BOC: variants seen among roughly 807,000 people sequenced by gnomAD.
BOC encodes brother of CDO.
BOC carries 76 observed loss-of-function variants against 112.0 expected under a neutral mutation model. That is an observed-to-expected ratio of 0.68 (90% CI 0.56 to 0.82). The LOEUF is 0.82. Ranked by LOEUF, BOC falls within the 40% of genes least tolerant of loss-of-function variation. The probability of loss-of-function intolerance (pLI) is 0.00; values close to 1 mark genes in which losing one functional copy is unlikely to be tolerated. For synonymous variants in BOC, 580 were observed against 599.8 expected (o/e 0.97, Z 0.48); for missense variants, 1,309 against 1,511.7 (o/e 0.87, Z 2.22).
intron 1 of BOC, among the ~76,000 whole-genome samples, chr3:113,213,585 G>C (rs1938699890): frequency 6.6e-6 from 1 of 152,166 alleles, no homozygotes; most frequent in Admixed American, 6.5e-5. Context: ...TGGGTGACCT[G>C]TTTTCTGAAC....
chr3:113,233,759 C>T (rs966033977), intron 2 of BOC, among the ~76,000 whole-genome samples: 6 of 152,122 alleles, frequency 3.9e-5, no homozygotes, highest in African/African-American at 1.2e-4. Context: ...AATTGAGCTT[C>T]GTCAGGCGCC....
At chr3:113,257,999 A>T (rs966473180) in intron 4 of BOC, among the ~76,000 whole-genome samples, 2 of 152,238 alleles carry the variant, frequency 1.3e-5, no homozygotes, top group Non-Finnish European at 2.9e-5. Context: ...GACTTTGTTA[A>T]CACATTAGTC....
chr3:113,284,834 AC>A lies in BOC; in HGVS notation c.2947del (p.Gln983LysfsTer52). On this transcript the variant is annotated frameshift_variant, in exon 18 of 20. Transcript: ENST00000682979. LOFTEE classifies it high-confidence loss of function. The stretch of plus-strand genomic sequence containing the variant: ...CAGACCCATCTTGGCAATGGATATG[AC>A]CCCCAAAGTCACCAGATCACGAGGT... ...LRQTHLGNGY[D>X]PQSHQITRGP... The A allele has an allele frequency of 1.2e-6, 2 of 1,613,928 alleles. No individual in the cohort carries two copies. The highest frequency in any genetic ancestry group is 1.7e-6 in the Non-Finnish European group (2 of 1,179,962).
intron 4 of BOC, chr3:113,262,057 G>A (rs915202878): frequency 1.3e-5 from 2 of 152,094 alleles, no homozygotes; most frequent in African/African-American, 2.4e-5. Flanking sequence ...TCATCAGAAA[G>A]TGTGTTTGAG....
rs75242325 is a variant in BOC at position 113,257,404 on chromosome 3, C to T, written c.376+6571C>T. On this transcript the variant is annotated intron_variant, in intron 4 of 19. Coordinates refer to ENST00000682979, the MANE Select transcript of BOC (RefSeq NM_001378074.1). ...GAAACAGCTTCATGAAGTCCTCTCA[C>T]CTTGGCAGAGGCATATTGTTTGGAT... 2.6e-3 allele frequency among the ~76,000 whole-genome samples: 401 copies of T among 152,288 alleles called. 3 individuals are homozygous for T. Among genetic ancestry groups the T allele is most frequent in the African/African-American group, 9.1e-3 (376 of 41,546 alleles).
intron 9 of BOC, among the ~76,000 whole-genome samples, chr3:113,275,428 C>T (rs1948561952): frequency 6.6e-6 from 1 of 152,208 alleles, no homozygotes; most frequent in Admixed American, 6.5e-5. Flanking sequence ...CCCAGGCCGC[C>T]ACTCTCGCTC....
intron 9 of BOC, among the ~76,000 whole-genome samples, chr3:113,275,359 G>T (rs1948553599): frequency 1.3e-5 from 2 of 152,210 alleles, no homozygotes; most frequent in Admixed American, 1.3e-4. Context: ...GGATGCGGGG[G>T]CAGAGCCCAG....
intron 2 of BOC, among the ~76,000 whole-genome samples, chr3:113,218,878 A>G (rs1320413203): frequency 6.6e-6 from 1 of 152,194 alleles, no homozygotes; most frequent in African/African-American, 2.4e-5. Flanking sequence ...GTGGTCTTCA[A>G]CAATGGGAGA....
In BOC at chr3:113,251,131, C is replaced by T. The variant is rs921677605; in HGVS notation, c.376+298C>T. The T allele has an allele frequency of 3.1e-5, 18 of 578,258 alleles. No individual in the cohort carries two copies. The South Asian group carries it at 3.8e-4, about 12-fold the overall frequency. The allele number at this position is 578,258 out of a possible 1,614,324, so 35.8% of individuals were successfully genotyped here. ...CAGAACTGTTCCGTGGGCCCCAGAG[C>T]AGGGCCGTGCCGTGCCTTCCTACTT... On this transcript the variant is annotated intron_variant, in intron 4 of 19. Transcript: ENST00000682979.
chr3:113,285,481 CCTG>C lies in BOC; in HGVS notation c.3083_3085del (p.Ala1028del), dbSNP rs1949592045. ...CGACTGCTGCCAACGCCAGGAGCAG[CCTG>C]CTGCTGTGGGCCAGTCAGGGGTGAG... On this transcript the variant is annotated inframe_deletion, in exon 19 of 20. Transcript: ENST00000682979. The C allele has an allele frequency of 6.2e-7, 1 of 1,613,936 alleles. No homozygotes were observed. Among genetic ancestry groups the C allele is most frequent in the African/African-American group, 1.3e-5 (1 of 74,950 alleles).
At chr3:113,226,801 C>T (rs753561390) in intron 2 of BOC, among the ~76,000 whole-genome samples, 7 of 152,190 alleles carry the variant, frequency 4.6e-5, no homozygotes, top group East Asian at 1.9e-4. Flanking sequence ...AGGTTTAGCA[C>T]GGAACTGTTA....
At position 113,270,802 on chromosome 3, in the gene BOC, T is replaced by TGG; in HGVS notation, c.525_526insGG (p.Asn176GlyfsTer4). 6.2e-7 allele frequency: 1 copy of TGG among 1,609,920 alleles called. No individual in the cohort carries two copies. Among genetic ancestry groups the TGG allele is most frequent in the East Asian group, 2.2e-5 (1 of 44,858 alleles). ...CCCCTGGCCCTGCCCTTTCCACAGGTAACTACCTGATCATGCCCTCAGGGA... is the reference window on the plus strand; with the variant it reads ...CCCCTGGCCCTGCCCTTTCCACAGGTGGAACTACCTGATCATGCCCTCAGGGA... On this transcript the variant is annotated frameshift_variant and splice_region_variant, in exon 6 of 20. Coordinates refer to ENST00000682979, the MANE Select transcript of BOC (RefSeq NM_001378074.1). LOFTEE classifies it high-confidence loss of function.
chr3:113,222,803 C>G (rs181957061), intron 2 of BOC, among the ~76,000 whole-genome samples: 84 of 152,320 alleles, frequency 5.5e-4, no homozygotes, highest in African/African-American at 1.8e-3. Context: ...CTTTGCCGCC[C>G]TCCTCCCTTA....
chr3:113,255,947 G>C (rs1311390087), intron 4 of BOC, among the ~76,000 whole-genome samples: 1 of 152,208 alleles, frequency 6.6e-6, no homozygotes, highest in Non-Finnish European at 1.5e-5. Flanking sequence ...CCTTAGCTCT[G>C]CCATTTAAGT....
chr3:113,247,349 G>A (rs1945043446), intron 2 of BOC, among the ~76,000 whole-genome samples: 1 of 152,112 alleles, frequency 6.6e-6, no homozygotes, highest in Non-Finnish European at 1.5e-5. Flanking sequence ...AAGCAAATTA[G>A]AGAATTAAAG....
chr3:113,241,165 C>T (rs1011722295), intron 2 of BOC, among the ~76,000 whole-genome samples: 4 of 152,310 alleles, frequency 2.6e-5, no homozygotes, highest in Non-Finnish European at 2.9e-5. Context: ...TGTCACTGGC[C>T]TTAATGACCT....
chr3:113,274,417 G>T lies in BOC; in HGVS notation c.1277G>T (p.Gly426Val). ...RLWQDAELAT[G>V]TPPVSPSKLG... ...TGGCAGGATGCTGAGCTGGCTACTG[G>T]CACACCTCCTGTATCACCCTCCAAA... The change falls in exon 9 of 20, where the codon GGC becomes GTC. Residue 426 changes from glycine to valine, a missense_variant. Transcript: ENST00000682979. This position sits in a 1 kb window ranked among gnomAD's most constrained non-coding sequence, Gnocchi z 4.8. The T allele has an allele frequency of 6.3e-7, 1 of 1,580,166 alleles. No individual in the cohort carries two copies. Among genetic ancestry groups the T allele is most frequent in the Non-Finnish European group, 8.6e-7 (1 of 1,158,210 alleles).
intron 3 of BOC, 107 bp from the exon 4 acceptor site, chr3:113,250,448 C>T: frequency 7.6e-7 from 1 of 1,316,822 alleles, no homozygotes; most frequent in African/African-American, 1.5e-5. Flanking sequence ...AGACCAGCTT[C>T]TCTGGTGGCC....
At chr3:113,238,069 A>G (rs151141315) in intron 2 of BOC, among the ~76,000 whole-genome samples, 88 of 152,344 alleles carry the variant, frequency 5.8e-4, no homozygotes, top group African/African-American at 2.1e-3. Context: ...GGTGTGTGAG[A>G]TGCTACGGGA....
Sources: allele counts gnomAD v4.1 joint callset (sites outside exome capture counted in the v4.1 genomes callset), GRCh38; gene constraint gnomAD v4.1.1; non-coding constraint Gnocchi (gnomAD v3.1); transcripts MANE v1.5; gene names NCBI Gene and HGNC (gene_info 2026-07-23, HGNC 2026-07-21).